The following DACH1 variants were observed in gnomAD, a reference collection of about 807,000 sequenced individuals.
DACH1 encodes the protein dachshund homolog 1.
Under a neutral mutation model 54.2 loss-of-function variants are expected in DACH1, and 12 were observed. The observed-to-expected ratio is 0.22, with a 90% confidence interval of 0.14 to 0.36. DACH1 has a LOEUF of 0.36. Ranked by LOEUF, DACH1 falls within the 10% of genes least tolerant of loss-of-function variation. DACH1 has a pLI of 1.00. For missense variants in DACH1, 805 were observed against 929.8 expected, an observed-to-expected ratio of 0.87 and a Z score of 1.75; for synonymous variants, 386 against 366.2, an observed-to-expected ratio of 1.05 and a Z score of -0.62.
intron 1 of DACH1, among the ~76,000 whole-genome samples, chr13:71,819,727 G>T (rs902599625): frequency 1.3e-5 from 2 of 152,146 alleles, no homozygotes; most frequent in Admixed American, 6.5e-5. Context: ...TTCTAACAAA[G>T]AAATTAATTC....
At chr13:71,460,262 A>T (rs1210008688) in intron 10 of DACH1, among the ~76,000 whole-genome samples, 1 of 152,080 alleles carries the variant, frequency 6.6e-6, no homozygotes, top group Non-Finnish European at 1.5e-5. Context: ...CATTCTAGAA[A>T]ATTCGCCACA....
At chr13:71,649,092 C>G (rs1594043612) in intron 2 of DACH1, among the ~76,000 whole-genome samples, 1 of 152,170 alleles carries the variant, frequency 6.6e-6, no homozygotes, top group East Asian at 1.9e-4. Flanking sequence ...CAACAGTGGT[C>G]CCATAAGATT....
chr13:71,774,057 C>A (rs945828381), intron 1 of DACH1, among the ~76,000 whole-genome samples: 1 of 150,656 alleles, frequency 6.6e-6, no homozygotes, highest in African/African-American at 2.4e-5. Context: ...TTTTAATAAA[C>A]AAATTTTCAA....
Position 71,829,755 on chromosome 13 carries a change from T to A in DACH1, c.848+36167A>T, listed in dbSNP as rs1451485544. 1.1e-4 allele frequency among the ~76,000 whole-genome samples: 16 copies of A among 152,102 alleles called. No homozygotes were observed. In the East Asian group the frequency reaches 3.1e-3, roughly 29 times the overall value. On this transcript the variant is annotated intron_variant, in intron 1 of 10. Coordinates refer to ENST00000613252, the MANE Select transcript of DACH1 (RefSeq NM_080759.6). The stretch of plus-strand genomic sequence containing the variant: ...TGGTACATGCTAATGTCAGAAGTGA[T>A]AAATCAAAGTAAGTACATTTGTTTG...
chr13:71,735,714 C>T (rs1250206437), intron 1 of DACH1, among the ~76,000 whole-genome samples: 1 of 151,706 alleles, frequency 6.6e-6, no homozygotes, highest in Non-Finnish European at 1.5e-5. Context: ...GGTTAAGATT[C>T]TTCACCAAAC....
intron 1 of DACH1, among the ~76,000 whole-genome samples, chr13:71,781,346 T>A (rs192676493): frequency 5.8e-5 from 8 of 137,212 alleles, no homozygotes; most frequent in South Asian, 2.4e-4. Flanking sequence ...TCTTTTTTAT[T>A]TTTATTTATT....
rs139057855 is a variant in DACH1, at chr13:71,492,475, G to A, written c.1571-3327C>T. Among the ~76,000 whole-genome samples, 695 of 152,156 alleles carry A rather than the reference G, an allele frequency of 4.6e-3. 4 individuals carry two copies. Among genetic ancestry groups the A allele is most frequent in the Non-Finnish European group, 7.6e-3 (520 of 67,976 alleles). ...ATGTTTCACCTACAGTTAAGGAAGG[G>A]AGACAACCACTGGAAGCTAAAAGAG... On this transcript the variant is annotated intron_variant, in intron 6 of 10. Transcript: ENST00000613252.
chr13:71,570,627 C>T (rs1341408624), intron 4 of DACH1, among the ~76,000 whole-genome samples: 1 of 152,144 alleles, frequency 6.6e-6, no homozygotes, highest in Non-Finnish European at 1.5e-5. Context: ...TGAGATATCT[C>T]TATGACTTAG....
At position 71,675,037 on chromosome 13, in the gene DACH1, G is replaced by C. The variant is rs559276904; in HGVS notation, c.964+6758C>G. ...TCGCCGAGCTCCAGCCGAAGAGAAG[G>C]GGGGTAAGTAAGGAGGTCTCTGTAC... On this transcript the variant is annotated intron_variant, in intron 2 of 10. Transcript: ENST00000613252. 179 of 848,160 alleles carry C rather than the reference G, an allele frequency of 2.1e-4. No individual in the cohort carries two copies. In the East Asian group the frequency reaches 3.6e-3, roughly 17 times the overall value. The allele number at this position is 848,160 out of a possible 1,614,324, so 52.5% of individuals were successfully genotyped here.
At chr13:71,586,251 C>G (rs1873256632) in intron 3 of DACH1, among the ~76,000 whole-genome samples, 1 of 152,096 alleles carries the variant, frequency 6.6e-6, no homozygotes. Context: ...TTCAGGTTAA[C>G]AGATAACTTT....
At chr13:71,493,189 G>C (rs567062339) in intron 6 of DACH1, among the ~76,000 whole-genome samples, 1 of 152,066 alleles carries the variant, frequency 6.6e-6, no homozygotes, top group East Asian at 1.9e-4. Context: ...ACAGAGATTT[G>C]GTTATAAAAT....
At chr13:71,852,018 T>C (rs919842490) in intron 1 of DACH1, among the ~76,000 whole-genome samples, 1 of 152,226 alleles carries the variant, frequency 6.6e-6, no homozygotes, top group Non-Finnish European at 1.5e-5. Flanking sequence ...CCAATGAGTA[T>C]GTTTCATCAG....
chr13:71,781,629 C>T (rs1340216913), intron 1 of DACH1, among the ~76,000 whole-genome samples: 1 of 152,028 alleles, frequency 6.6e-6, no homozygotes, highest in Non-Finnish European at 1.5e-5. Flanking sequence ...CCGCCCGCCT[C>T]GGCCTCCCAA....
chr13:71,783,259 C>T (rs1373093844), intron 1 of DACH1, among the ~76,000 whole-genome samples: 1 of 152,090 alleles, frequency 6.6e-6, no homozygotes, highest in Non-Finnish European at 1.5e-5. Flanking sequence ...AAAGGCAACT[C>T]AAGATGAACA....
intron 2 of DACH1, among the ~76,000 whole-genome samples, chr13:71,657,437 C>T (rs911506263): frequency 2.6e-5 from 4 of 151,810 alleles, no homozygotes; most frequent in Admixed American, 2.6e-4. Context: ...GAGGTTGAGG[C>T]CACACTGAGC....
chr13:71,663,103 T>C (rs1879615379), intron 2 of DACH1, among the ~76,000 whole-genome samples: 1 of 149,832 alleles, frequency 6.7e-6, no homozygotes, highest in South Asian at 2.1e-4. Context: ...CTCTATTTAA[T>C]GACTATGAAT....
chr13:71,851,207 A>G (rs969681014), intron 1 of DACH1, among the ~76,000 whole-genome samples: 1 of 152,186 alleles, frequency 6.6e-6, no homozygotes. Context: ...CCTTCTTAAT[A>G]GAGATTAATC....
intron 1 of DACH1, among the ~76,000 whole-genome samples, chr13:71,757,583 G>T (rs372029729): frequency 1.5e-4 from 22 of 150,112 alleles, no homozygotes; most frequent in African/African-American, 5.2e-4. Context: ...GAGTACAATG[G>T]TGCAATCTTG....
chr13:71,675,519 T>TAA lies in DACH1; in HGVS notation c.964+6275_964+6276insTT, dbSNP rs1242517129. 7.8e-5 allele frequency: 105 copies of TAA among 1,353,248 alleles called. No homozygotes were observed. In the African/African-American group the frequency reaches 2.0e-3, roughly 26 times the overall value. The allele number at this position is 1,353,248 out of a possible 1,614,324, so 83.8% of individuals were successfully genotyped here. A position where few individuals can be genotyped will look rare whatever the true frequency, so the allele number is the denominator to read the frequency against. On this transcript the variant is annotated intron_variant, in intron 2 of 10. Coordinates refer to ENST00000613252, the MANE Select transcript of DACH1 (RefSeq NM_080759.6). Reference sequence around the variant, plus strand: ...ACATTTCATTCTCAAAAAAAAAATTTTTTTTTTTCTCTTCTTCCTGTTATT... The same window carrying TAA: ...ACATTTCATTCTCAAAAAAAAAATTTAATTTTTTTTCTCTTCTTCCTGTTATT...
Sources: allele counts gnomAD v4.1 joint callset (sites outside exome capture counted in the v4.1 genomes callset), GRCh38; gene constraint gnomAD v4.1.1; transcripts MANE v1.5; gene names NCBI Gene and HGNC (gene_info 2026-07-23, HGNC 2026-07-21).